The following LRMDA variants were observed in gnomAD, a reference collection of about 807,000 sequenced individuals.
LRMDA encodes leucine rich melanocyte differentiation associated, also known as leucine-rich melanocyte differentiation-associated protein.
LRMDA carries 18 observed loss-of-function variants against 29.8 expected under a neutral mutation model. That is an observed-to-expected ratio of 0.60 (90% CI 0.42 to 0.90). The LOEUF (loss-of-function observed/expected upper bound fraction) is 0.90. LRMDA is among the 40% of genes least tolerant of loss of function. LRMDA has a pLI of 0.00. For missense variants in LRMDA, 273 were observed against 273.9 expected (o/e 1.00, Z 0.02); for synonymous variants, 125 against 109.4 (o/e 1.14, Z -0.89).
intron 2 of LRMDA, among the ~76,000 whole-genome samples, chr10:75,571,030 A>G (rs1840430690): frequency 1.3e-5 from 2 of 152,178 alleles, no homozygotes; most frequent in African/African-American, 4.8e-5. Flanking sequence ...ACATAGCCTG[A>G]AGAGAGAGAG....
At chr10:75,963,527 A>G (rs2132431305) in intron 2 of LRMDA, among the ~76,000 whole-genome samples, 1 of 152,288 alleles carries the variant, frequency 6.6e-6, no homozygotes, top group African/African-American at 2.4e-5. Flanking sequence ...CCTTGTTGTC[A>G]TGATGCCCAT....
chr10:75,493,348 G>GGTGAGT (rs148712950), intron 2 of LRMDA, among the ~76,000 whole-genome samples: 1 of 133,270 alleles, frequency 7.5e-6, no homozygotes, highest in Admixed American at 7.6e-5. Flanking sequence ...GTTGAGATTG[G>GGTGAGT]GTGTGTGTGT....
chr10:75,562,593 G>T (rs1840313116), intron 2 of LRMDA, among the ~76,000 whole-genome samples: 1 of 152,030 alleles, frequency 6.6e-6, no homozygotes, highest in African/African-American at 2.4e-5. Flanking sequence ...TGGTTATTTT[G>T]CTCGTTAGTT....
intron 5 of LRMDA, among the ~76,000 whole-genome samples, chr10:76,204,901 A>G (rs2132237416): frequency 6.6e-6 from 1 of 152,322 alleles, no homozygotes; most frequent in East Asian, 1.9e-4. Context: ...GATCCAGAAA[A>G]ATCAGGAGAA....
intron 3 of LRMDA, among the ~76,000 whole-genome samples, chr10:76,038,001 A>G (rs1228037706): frequency 3.3e-5 from 5 of 152,176 alleles, no homozygotes; most frequent in Admixed American, 1.3e-4. Flanking sequence ...AAGTTTCCCA[A>G]TCACTCTTTG....
At chr10:76,219,203 C>T (rs1373409848) in intron 5 of LRMDA, among the ~76,000 whole-genome samples, 2 of 152,178 alleles carry the variant, frequency 1.3e-5, no homozygotes, top group Non-Finnish European at 2.9e-5. Flanking sequence ...GAAACTGCAT[C>T]AACTAACGAG....
chr10:76,227,093 C>T (rs115454001), intron 5 of LRMDA, among the ~76,000 whole-genome samples: 2,046 of 152,216 alleles, frequency 0.013, 48 homozygotes, highest in African/African-American at 0.047. Context: ...ATTCCCCATG[C>T]CTGTTTGCCT....
At chr10:75,971,033 T>C (rs1846958834) in intron 2 of LRMDA, among the ~76,000 whole-genome samples, 1 of 152,136 alleles carries the variant, frequency 6.6e-6, no homozygotes. Context: ...CCCTCCTCAG[T>C]GACAGTAAAT....
At chr10:76,093,814 C>T (rs1043565133) in intron 5 of LRMDA, among the ~76,000 whole-genome samples, 1 of 152,174 alleles carries the variant, frequency 6.6e-6, no homozygotes, top group African/African-American at 2.4e-5. Flanking sequence ...CACGTTCCCC[C>T]ACCTGATATT....
intron 5 of LRMDA, among the ~76,000 whole-genome samples, chr10:76,169,136 T>C: frequency 6.6e-6 from 1 of 152,214 alleles, no homozygotes; most frequent in Non-Finnish European, 1.5e-5. Flanking sequence ...TCTAAAATTA[T>C]TGGCAGGAAA....
chr10:75,907,941 G>C (rs977135504), intron 2 of LRMDA, among the ~76,000 whole-genome samples: 2 of 152,146 alleles, frequency 1.3e-5, no homozygotes, highest in Non-Finnish European at 1.5e-5. Context: ...CTCTTGGGCA[G>C]GTGAAGGGGA....
intron 2 of LRMDA, among the ~76,000 whole-genome samples, chr10:75,717,220 C>G (rs532291708): frequency 1.6e-4 from 25 of 152,280 alleles, no homozygotes; most frequent in Admixed American, 1.1e-3. Context: ...GGGAGTCCCC[C>G]CCAGGGGCAC....
chr10:76,118,650 A>G (rs17184356), intron 5 of LRMDA, among the ~76,000 whole-genome samples: 23,312 of 152,066 alleles, frequency 0.15, 2,190 homozygotes, highest in Admixed American at 0.24. Flanking sequence ...GGAGAAGACC[A>G]TTCTGTGGCC....
At chr10:75,829,052 C>A (rs1184351393) in intron 2 of LRMDA, among the ~76,000 whole-genome samples, 1 of 152,118 alleles carries the variant, frequency 6.6e-6, no homozygotes, top group Non-Finnish European at 1.5e-5. Flanking sequence ...TATCTAGGTT[C>A]TGTGTTATGA....
intron 2 of LRMDA, among the ~76,000 whole-genome samples, chr10:75,540,463 G>A (rs1315234960): frequency 3.9e-5 from 6 of 152,194 alleles, no homozygotes; most frequent in East Asian, 1.9e-4. Context: ...TAGGATTCTC[G>A]TTTTATCACC....
At chr10:75,802,966 ATATATATT>A (rs1275623953) in intron 2 of LRMDA, among the ~76,000 whole-genome samples, 1 of 126,374 alleles carries the variant, frequency 7.9e-6, no homozygotes, top group Admixed American at 7.4e-5. Flanking sequence ...ATATATATAT[ATATATATT>A]TTTTTTTTTT....
intron 6 of LRMDA, among the ~76,000 whole-genome samples, chr10:76,505,803 A>G (rs1842953690): frequency 6.6e-6 from 1 of 152,166 alleles, no homozygotes; most frequent in Non-Finnish European, 1.5e-5. Context: ...CTTATGAGCT[A>G]GGGTGCTTAT....
intron 2 of LRMDA, among the ~76,000 whole-genome samples, chr10:75,960,245 A>T (rs1387460030): frequency 6.6e-6 from 1 of 152,232 alleles, no homozygotes; most frequent in Non-Finnish European, 1.5e-5. Context: ...ATTACTTCAA[A>T]TTCCCCATGG....
chr10:76,384,457 C>G (rs1486258944), intron 6 of LRMDA, among the ~76,000 whole-genome samples: 1 of 152,206 alleles, frequency 6.6e-6, no homozygotes, highest in Non-Finnish European at 1.5e-5. Context: ...ACCTGTCTGT[C>G]TAATATCCAA....
Sources: gnomAD v4.1 joint callset for allele counts (sites outside exome capture counted in the v4.1 genomes callset) on GRCh38, gnomAD v4.1.1 for gene constraint, MANE v1.5 for transcripts, NCBI Gene and HGNC (gene_info 2026-07-23, HGNC 2026-07-21) for gene names.